Variants in PRKN observed in about 807,000 individuals in gnomAD.
PRKN encodes the protein E3 ubiquitin-protein ligase parkin.
In PRKN, 56 loss-of-function variants were observed where a neutral mutation model predicts 59.5. That is an observed-to-expected ratio of 0.94 (90% confidence interval 0.76 to 1.18). PRKN has a LOEUF of 1.18. Among genes scored for constraint, PRKN ranks in the 50% most tolerant of loss-of-function variants. The probability of loss-of-function intolerance (pLI) is 0.00; values close to 1 mark genes in which losing one functional copy is unlikely to be tolerated. For missense variants in PRKN, 657 were observed against 596.4 expected (o/e 1.10, Z -1.06); for synonymous variants, 250 against 222.1 (o/e 1.13, Z -1.12).
At chr6:162,228,228 C>T (rs765719065) in intron 3 of PRKN, among the ~76,000 whole-genome samples, 81 of 152,268 alleles carry the variant, frequency 5.3e-4, no homozygotes, top group Non-Finnish European at 6.0e-4. Flanking sequence ...GCACAAACCA[C>T]AAAATCACTA....
chr6:162,326,827 C>T (rs1783306452), intron 2 of PRKN, among the ~76,000 whole-genome samples: 1 of 152,114 alleles, frequency 6.6e-6, no homozygotes, highest in Non-Finnish European at 1.5e-5. Context: ...TACTGACTTG[C>T]TTGGGGTTTA....
chr6:162,621,845 T>C (rs182057770), intron 1 of PRKN, among the ~76,000 whole-genome samples: 1 of 152,200 alleles, frequency 6.6e-6, no homozygotes, highest in Non-Finnish European at 1.5e-5. Context: ...AGACAGAGTC[T>C]TGCTCTGTGG....
At chr6:162,259,117 G>T (rs900141066) in intron 3 of PRKN, among the ~76,000 whole-genome samples, 12 of 152,160 alleles carry the variant, frequency 7.9e-5, no homozygotes, top group Non-Finnish European at 1.5e-4. Flanking sequence ...CTGAGGCACA[G>T]GTTTTCAAAC....
chr6:161,523,839 A>G (rs1481269639), intron 9 of PRKN, among the ~76,000 whole-genome samples: 1 of 152,062 alleles, frequency 6.6e-6, no homozygotes, highest in African/African-American at 2.4e-5. Context: ...AAACATTTGA[A>G]CACAGAAGCA....
chr6:161,401,535 C>T lies in PRKN; in HGVS notation c.1084-14658G>A, dbSNP rs1202553075. 6.6e-6 allele frequency among the ~76,000 whole-genome samples: 1 copy of T among 152,022 alleles called. No individual in the cohort carries two copies. Among genetic ancestry groups the T allele is most frequent in the Non-Finnish European group, 1.5e-5 (1 of 68,012 alleles). Reference sequence around the variant, plus strand: ...GGCTGAGGCAGGAGAATTGCTTGAACCCAGGAGGCGGAGGCTGCAGTGAGC... The same window carrying T: ...GGCTGAGGCAGGAGAATTGCTTGAATCCAGGAGGCGGAGGCTGCAGTGAGC... On this transcript the variant is annotated intron_variant, in intron 9 of 11. Transcript: ENST00000366898. The surrounding 1 kb of genome is among the most constrained non-coding windows in gnomAD (Gnocchi z 4.4).
intron 7 of PRKN, among the ~76,000 whole-genome samples, chr6:161,679,684 C>CT (rs1554292014): frequency 0.018 from 1,489 of 84,828 alleles, 83 homozygotes; most frequent in African/African-American, 0.057. Context: ...ACCCCCCCCC[C>CT]TTTTTTTTTT....
At chr6:162,342,200 T>C (rs1225795670) in intron 2 of PRKN, among the ~76,000 whole-genome samples, 1 of 152,200 alleles carries the variant, frequency 6.6e-6, no homozygotes, top group Non-Finnish European at 1.5e-5. Context: ...TTTCAAATCA[T>C]GCAAGTGATG....
chr6:162,188,966 T>C (rs1040480659), intron 4 of PRKN, among the ~76,000 whole-genome samples: 1 of 152,118 alleles, frequency 6.6e-6, no homozygotes, highest in Middle Eastern at 3.2e-3. Context: ...TTATCTTCTA[T>C]AGGAGGGAAT....
intron 3 of PRKN, among the ~76,000 whole-genome samples, chr6:162,213,100 C>A (rs1450652611): frequency 1.3e-5 from 2 of 152,150 alleles, no homozygotes; most frequent in African/African-American, 4.8e-5. Context: ...CAGTATCTAG[C>A]TTTCTAAATG....
intron 5 of PRKN, among the ~76,000 whole-genome samples, chr6:161,980,030 T>C (rs536840888): frequency 7.2e-5 from 11 of 152,304 alleles, no homozygotes; most frequent in African/African-American, 2.4e-4. Flanking sequence ...TACAATTTGA[T>C]AGATTTCAAA....
chr6:161,776,352 T>A (rs1022027513), intron 7 of PRKN, among the ~76,000 whole-genome samples: 1 of 152,206 alleles, frequency 6.6e-6, no homozygotes, highest in Non-Finnish European at 1.5e-5. Context: ...CCAAAGCCCA[T>A]ACCTTTAGGT....
rs9458284 is a variant in PRKN, at chr6:161,482,949, T to C, written c.1083+65905A>G. On this transcript the variant is annotated intron_variant, in intron 9 of 11. Coordinates refer to ENST00000366898, the MANE Select transcript of PRKN (RefSeq NM_004562.3). ...GGCATATTTAATGTTTCATAGCTTT[T>C]TGAGAATTTCCACAGACATTCTCAG... Among the ~76,000 whole-genome samples the C allele has an allele frequency of 9.1e-3, 1,389 of 152,336 alleles. 22 individuals carry two copies. Among genetic ancestry groups the C allele is most frequent in the African/African-American group, 0.031 (1,297 of 41,566 alleles).
Position 161,518,009 on chromosome 6 carries a change from C to G in PRKN, c.1083+30845G>C, listed in dbSNP as rs578214867. 6.6e-6 allele frequency among the ~76,000 whole-genome samples: 1 copy of G among 152,100 alleles called. No homozygotes were observed. The highest frequency in any genetic ancestry group is 6.5e-5 in the Admixed American group (1 of 15,274). On this transcript the variant is annotated intron_variant, in intron 9 of 11. Coordinates refer to ENST00000366898, the MANE Select transcript of PRKN (RefSeq NM_004562.3). The surrounding 1 kb of genome is among the most constrained non-coding windows in gnomAD (Gnocchi z 5.0). The stretch of plus-strand genomic sequence containing the variant: ...GAAATCAAGAGGACTATTATTTCCT[C>G]GGGGAGACTGGCAGAAGTTGGCTGC...
At chr6:162,597,053 A>G (rs1781521391) in intron 1 of PRKN, among the ~76,000 whole-genome samples, 1 of 152,216 alleles carries the variant, frequency 6.6e-6, no homozygotes, top group Admixed American at 6.5e-5. Context: ...ATGTTAGTGA[A>G]CTAGTTCTAG....
chr6:161,375,512 C>T (rs144184636), intron 10 of PRKN, among the ~76,000 whole-genome samples: 3 of 152,328 alleles, frequency 2.0e-5, no homozygotes, highest in East Asian at 3.9e-4. Context: ...AAACCCAAAC[C>T]CCCAAGTTTC....
intron 7 of PRKN, among the ~76,000 whole-genome samples, chr6:161,752,300 A>G (rs1478143045): frequency 6.6e-6 from 1 of 152,116 alleles, no homozygotes; most frequent in Non-Finnish European, 1.5e-5. Context: ...AACTCAGGGC[A>G]GAGGCTGCAG....
Position 161,459,946 on chromosome 6 carries a change from A to T in PRKN, c.1084-73069T>A, listed in dbSNP as rs1423229232. On this transcript the variant is annotated intron_variant, in intron 9 of 11. Transcript: ENST00000366898. This position sits in a 1 kb window ranked among gnomAD's most constrained non-coding sequence, Gnocchi z 4.8. ...AAGAAAATGGCTGTTGATATTTTGT[A>T]AAAAAAAAAATCTATTTATCCATCA... 7.1e-6 allele frequency among the ~76,000 whole-genome samples: 1 copy of T among 140,760 alleles called. No homozygotes were observed. The highest frequency in any genetic ancestry group is 2.1e-4 in the East Asian group (1 of 4,712). 92.3% of individuals were successfully genotyped at this position (140,760 alleles called of 152,430 possible).
intron 9 of PRKN, among the ~76,000 whole-genome samples, chr6:161,476,394 C>T (rs1397227300): frequency 6.6e-6 from 1 of 151,946 alleles, no homozygotes; most frequent in Non-Finnish European, 1.5e-5. Flanking sequence ...AACTTCCCCC[C>T]GAAGCTTTTG....
chr6:162,631,306 G>A (rs1315942823), intron 1 of PRKN, among the ~76,000 whole-genome samples: 1 of 152,124 alleles, frequency 6.6e-6, no homozygotes, highest in Non-Finnish European at 1.5e-5. Flanking sequence ...AATTGCAACT[G>A]TCAATAAACA....
Sources: allele counts gnomAD v4.1 joint callset (sites outside exome capture counted in the v4.1 genomes callset), GRCh38; gene constraint gnomAD v4.1.1; non-coding constraint Gnocchi (gnomAD v3.1); transcripts MANE v1.5; gene names NCBI Gene and HGNC (gene_info 2026-07-23, HGNC 2026-07-21).